The following PPP1R12B variants were observed in gnomAD, a reference collection of about 807,000 sequenced individuals.
PPP1R12B encodes the protein myosin phosphatase target subunit 2.
PPP1R12B carries 76 observed loss-of-function variants against 126.1 expected under a neutral mutation model. The observed-to-expected ratio is 0.60, with a 90% CI of 0.50 to 0.73. The LOEUF (loss-of-function observed/expected upper bound fraction) is 0.73. Ranked by LOEUF, PPP1R12B falls within the 30% of genes least tolerant of loss-of-function variation. The pLI is 0.00. For synonymous variants in PPP1R12B, 356 were observed against 434.7 expected (o/e 0.82, Z 2.25); for missense variants, 1,052 against 1,205.1 (o/e 0.87, Z 1.88).
intron 1 of PPP1R12B, among the ~76,000 whole-genome samples, chr1:202,358,113 T>C (rs1295794220): frequency 2.0e-5 from 3 of 152,158 alleles, no homozygotes; most frequent in African/African-American, 7.2e-5. Context: ...TGGTTCAACA[T>C]AGTAATAATA....
chr1:202,567,393 T>TG (rs1227185431), intron 21 of PPP1R12B: 1 of 166,126 alleles, frequency 6.0e-6, no homozygotes, highest in Non-Finnish European at 1.3e-5. Flanking sequence ...TTTTTTTTTT[T>TG]TGTTATTTCC....
intron 11 of PPP1R12B, 73 bp from the exon 12 acceptor site, chr1:202,442,374 C>A: frequency 6.6e-7 from 1 of 1,512,808 alleles, no homozygotes; most frequent in Non-Finnish European, 8.9e-7. Context: ...TGGCTCTTCT[C>A]TCTCTGCATT....
chr1:202,377,373 A>G (rs903245176), intron 1 of PPP1R12B, among the ~76,000 whole-genome samples: 4 of 148,624 alleles, frequency 2.7e-5, no homozygotes, highest in East Asian at 2.0e-4. Flanking sequence ...CGTGATCTCG[A>G]CTCACTGCAA....
intron 1 of PPP1R12B, among the ~76,000 whole-genome samples, chr1:202,352,768 T>A (rs1188790271): frequency 6.6e-6 from 1 of 151,924 alleles, no homozygotes; most frequent in African/African-American, 2.4e-5. Context: ...ACACCTGTAG[T>A]CCCAGTTACT....
At chr1:202,499,654 A>G (rs1679982454) in intron 18 of PPP1R12B, among the ~76,000 whole-genome samples, 1 of 152,240 alleles carries the variant, frequency 6.6e-6, no homozygotes. Flanking sequence ...CAAAATATCT[A>G]TGGTTTTTCC....
intron 18 of PPP1R12B, among the ~76,000 whole-genome samples, chr1:202,546,400 T>A (rs561379284): frequency 6.3e-4 from 95 of 151,530 alleles, no homozygotes; most frequent in African/African-American, 2.3e-3. Flanking sequence ...AGCCCAGGAG[T>A]TTGAGACCAG....
At chr1:202,438,061 GTT>G in intron 10 of PPP1R12B, 37 bp downstream of exon 10, 1 of 1,430,388 alleles carries the variant, frequency 7.0e-7, no homozygotes, top group Non-Finnish European at 9.5e-7. Context: ...TTCCAAGGCA[GTT>G]TTTTTTTTCC....
In PPP1R12B at chr1:202,527,532, A is replaced by G. The variant is rs531554145; in HGVS notation, c.2490+30710A>G. On this transcript the variant is annotated intron_variant, in intron 18 of 23. Coordinates refer to ENST00000608999, the MANE Select transcript of PPP1R12B (RefSeq NM_002481.4). ...AAGATAAACATATTTAAAATATAAG[A>G]TTATTTTGAGCAACTTTATGACAAT... The G allele has an allele frequency of 1.4e-4, 21 of 152,344 alleles. No individual in the cohort carries two copies. In the South Asian group the frequency reaches 4.3e-3, roughly 32 times the overall value. The allele number at this position is 152,344 out of a possible 1,614,324, so 9.4% of individuals were successfully genotyped here. A position where few individuals can be genotyped will look rare whatever the true frequency, so the allele number is the denominator to read the frequency against.
intron 23 of PPP1R12B, among the ~76,000 whole-genome samples, chr1:202,578,634 G>A (rs1689306001): frequency 6.6e-6 from 1 of 152,128 alleles, no homozygotes; most frequent in African/African-American, 2.4e-5. Flanking sequence ...TTATTTGCCT[G>A]CCCTCCCACA....
chr1:202,573,190 A>G (rs566009127), intron 23 of PPP1R12B, among the ~76,000 whole-genome samples: 2 of 152,246 alleles, frequency 1.3e-5, no homozygotes, highest in South Asian at 4.1e-4. Context: ...AATCTTTTCC[A>G]TATGCTGTAC....
At chr1:202,362,532 A>AT (rs1201868175) in intron 1 of PPP1R12B, among the ~76,000 whole-genome samples, 1 of 152,060 alleles carries the variant, frequency 6.6e-6, no homozygotes, top group African/African-American at 2.4e-5. Context: ...CTTAACAGGT[A>AT]TTTTTTAAAG....
At chr1:202,555,878 CTTT>C (rs1417678339) in intron 18 of PPP1R12B, among the ~76,000 whole-genome samples, 2 of 142,202 alleles carry the variant, frequency 1.4e-5, no homozygotes. Flanking sequence ...ATATAATATT[CTTT>C]TTTTTTTTTT....
At chr1:202,563,005 A>G in intron 20 of PPP1R12B, 83 bp downstream of exon 20, 1 of 1,398,258 alleles carries the variant, frequency 7.2e-7, no homozygotes, top group Non-Finnish European at 9.5e-7. Flanking sequence ...AAAAATTACC[A>G]TAGCTCTGAA....
chr1:202,564,629 G>C, intron 21 of PPP1R12B, 82 bp downstream of exon 21: 1 of 1,138,164 alleles, frequency 8.8e-7, no homozygotes, highest in East Asian at 2.4e-5. Flanking sequence ...TAAGGGACAG[G>C]AAGTAAGATA....
chr1:202,378,987 A>G (rs1246490328), intron 1 of PPP1R12B, among the ~76,000 whole-genome samples: 2 of 151,898 alleles, frequency 1.3e-5, no homozygotes, highest in South Asian at 2.1e-4. Flanking sequence ...CACTTTCTCT[A>G]TATTCTTTCG....
chr1:202,561,791 A>G (rs1687559423), intron 19 of PPP1R12B, among the ~76,000 whole-genome samples: 1 of 152,198 alleles, frequency 6.6e-6, no homozygotes, highest in South Asian at 2.1e-4. Context: ...TTAGGAGCTA[A>G]TTACTTTGCC....
At chr1:202,512,815 A>G (rs2148897892) in intron 18 of PPP1R12B, among the ~76,000 whole-genome samples, 1 of 152,178 alleles carries the variant, frequency 6.6e-6, no homozygotes, top group East Asian at 1.9e-4. Context: ...CACTTTTTAA[A>G]AACATATTCA....
At chr1:202,561,933 CTT>C (rs1687577323) in intron 19 of PPP1R12B, among the ~76,000 whole-genome samples, 1 of 152,194 alleles carries the variant, frequency 6.6e-6, no homozygotes, top group South Asian at 2.1e-4. Flanking sequence ...AGTTGTGACT[CTT>C]CAAACCATCC....
chr1:202,483,341 C>T (rs553751590), intron 13 of PPP1R12B, among the ~76,000 whole-genome samples: 6 of 138,226 alleles, frequency 4.3e-5, no homozygotes, highest in Non-Finnish European at 7.6e-5. Context: ...ATGCAGTAGG[C>T]GCAATCTTGG....
Sources: gnomAD v4.1 joint callset for allele counts (sites outside exome capture counted in the v4.1 genomes callset) on GRCh38, gnomAD v4.1.1 for gene constraint, MANE v1.5 for transcripts, NCBI Gene and HGNC (gene_info 2026-07-23, HGNC 2026-07-21) for gene names.